Variants in TLCD4 observed in about 807,000 individuals in gnomAD.
TLCD4 encodes TLC domain-containing protein 4.
Under a neutral mutation model 24.2 loss-of-function variants are expected in TLCD4, and 7 were observed. That is an observed-to-expected ratio of 0.29 (90% confidence interval 0.16 to 0.54). The LOEUF (loss-of-function observed/expected upper bound fraction) is 0.54. TLCD4 is among the 20% of genes least tolerant of loss of function. The pLI, the probability that TLCD4 is intolerant of heterozygous loss-of-function variation, is 0.95. For missense variants in TLCD4, 259 were observed against 313.9 expected (o/e 0.82, Z 1.32); for synonymous variants, 103 against 106.4 (o/e 0.97, Z 0.20).
chr1:95,152,847 G>C (rs372511389), intron 5 of TLCD4, among the ~76,000 whole-genome samples: 76 of 152,140 alleles, frequency 5.0e-4, no homozygotes, highest in African/African-American at 1.7e-3. Flanking sequence ...ACACATTTAT[G>C]CTTTAATCCT....
At chr1:95,146,138 G>C (rs1305631670) in intron 2 of TLCD4, among the ~76,000 whole-genome samples, 1 of 151,888 alleles carries the variant, frequency 6.6e-6, no homozygotes, top group Non-Finnish European at 1.5e-5. Flanking sequence ...AACATGAGTT[G>C]AGAGTGGTCT....
intron 5 of TLCD4, among the ~76,000 whole-genome samples, chr1:95,172,334 A>G (rs1678258509): frequency 6.6e-6 from 1 of 152,246 alleles, no homozygotes; most frequent in African/African-American, 2.4e-5. Flanking sequence ...AAATAAAAGC[A>G]TTTAGTATAA....
Position 95,151,425 on chromosome 1 carries a change from T to C in TLCD4, c.399+6T>C. 6.2e-7 allele frequency: 1 copy of C among 1,610,224 alleles called. No homozygotes were observed. The highest frequency in any genetic ancestry group is 1.1e-5 in the South Asian group (1 of 90,532). ...ATGCATACTACCTTGTACTGGTGAG[T>C]TCCAGGATTTTCTGTAGCCTAACTA... On this transcript the variant is annotated splice_donor_region_variant and intron_variant, in intron 5 of 6. Coordinates refer to ENST00000370203, the MANE Select transcript of TLCD4 (RefSeq NM_152487.3).
upstream of TLCD4, among the ~76,000 whole-genome samples, chr1:95,112,619 G>C (rs183414269): frequency 6.6e-6 from 1 of 152,258 alleles, no homozygotes; most frequent in Non-Finnish European, 1.5e-5. Context: ...TCAAAATGCT[G>C]AGGGAAAATA....
At chr1:95,095,968 T>A in the TLCD4 span, among the ~76,000 whole-genome samples, 21 of 152,210 alleles carry the variant, frequency 1.4e-4, no homozygotes, top group Non-Finnish European at 2.8e-4. Flanking sequence ...AAAGGGAAGA[T>A]AAACAAATTA....
chr1:95,143,171 G>A (rs1169833466), intron 1 of TLCD4, among the ~76,000 whole-genome samples: 1 of 152,132 alleles, frequency 6.6e-6, no homozygotes, highest in Non-Finnish European at 1.5e-5. Flanking sequence ...GAAAAGTGAG[G>A]GAGGGGTTTT....
chr1:95,172,227 A>G (rs895921906), intron 5 of TLCD4, among the ~76,000 whole-genome samples: 1 of 152,216 alleles, frequency 6.6e-6, no homozygotes, highest in Admixed American at 6.5e-5. Flanking sequence ...GGCTTGGTGA[A>G]GGAGATGTGT....
intron 6 of TLCD4, among the ~76,000 whole-genome samples, chr1:95,190,468 A>T (rs1485454077): frequency 2.6e-5 from 4 of 152,106 alleles, no homozygotes; most frequent in African/African-American, 9.7e-5. Context: ...AGCTGGGATT[A>T]CAGGTGCCCG....
intron 1 of TLCD4, among the ~76,000 whole-genome samples, chr1:95,136,687 C>T (rs952926372): frequency 1.3e-5 from 2 of 152,106 alleles, no homozygotes; most frequent in Non-Finnish European, 1.5e-5. Context: ...TGGTATTTTT[C>T]ATAAGGCTAT....
chr1:95,190,495 A>G (rs1678989671), intron 6 of TLCD4, among the ~76,000 whole-genome samples: 1 of 151,838 alleles, frequency 6.6e-6, no homozygotes. Context: ...TGCCTGGCTA[A>G]TTTTTGTATT....
At chr1:95,165,462 T>C (rs1378503610) in intron 5 of TLCD4, among the ~76,000 whole-genome samples, 1 of 128,408 alleles carries the variant, frequency 7.8e-6, no homozygotes, top group Non-Finnish European at 1.6e-5. Context: ...TGTGTGTGTG[T>C]GTGTGTTTTT....
intron 3 of TLCD4, among the ~76,000 whole-genome samples, 175 bp from the exon 4 acceptor site, chr1:95,150,033 G>A (rs536256778): frequency 8.5e-5 from 13 of 152,162 alleles, no homozygotes; most frequent in Admixed American, 4.6e-4. Flanking sequence ...CACATGATGC[G>A]TCACAGTTTG....
At chr1:95,106,895 T>A in the TLCD4 span, among the ~76,000 whole-genome samples, 1 of 152,168 alleles carries the variant, frequency 6.6e-6, no homozygotes. Flanking sequence ...ATGCAGCATA[T>A]GCATTTTCCA....
At chr1:95,161,966 A>G (rs545479134) in intron 5 of TLCD4, among the ~76,000 whole-genome samples, 1 of 152,312 alleles carries the variant, frequency 6.6e-6, no homozygotes, top group Admixed American at 6.5e-5. Context: ...GCTGAGAAGA[A>G]TGTATATTCT....
In TLCD4 at chr1:95,157,050, C is replaced by G. The variant is rs573881339; in HGVS notation, c.399+5631C>G. Among the ~76,000 whole-genome samples, 10 of 152,116 alleles carry G rather than the reference C, an allele frequency of 6.6e-5. No individual in the cohort carries two copies. In the South Asian group the frequency reaches 1.7e-3, roughly 25 times the overall value. Reference sequence around the variant, plus strand: ...AAAGCAATATTGGAAGCAATATTCCCTAAAAGCAATATTGTAAATAAAAAG... The same window carrying G: ...AAAGCAATATTGGAAGCAATATTCCGTAAAAGCAATATTGTAAATAAAAAG... On this transcript the variant is annotated intron_variant, in intron 5 of 6. Coordinates refer to ENST00000370203, the MANE Select transcript of TLCD4 (RefSeq NM_152487.3).
upstream of TLCD4, among the ~76,000 whole-genome samples, chr1:95,113,043 C>CT (rs1054737210): frequency 9.6e-3 from 1,309 of 136,696 alleles, 15 homozygotes; most frequent in African/African-American, 0.024. Context: ...TCTTTTCTTT[C>CT]TTTTTTTTTT....
At chr1:95,108,769 A>G in the TLCD4 span, among the ~76,000 whole-genome samples, 2 of 152,306 alleles carry the variant, frequency 1.3e-5, no homozygotes, top group Admixed American at 1.3e-4. Context: ...TACCCCACTG[A>G]CTTGAGATGC....
At chr1:95,181,584 T>A (rs543993700) in intron 6 of TLCD4, among the ~76,000 whole-genome samples, 15 of 149,464 alleles carry the variant, frequency 1.0e-4, no homozygotes, top group African/African-American at 1.7e-4. Flanking sequence ...TGTTTAATTA[T>A]TTATTTATTT....
chr1:95,183,186 C>A (rs563565641), intron 6 of TLCD4, among the ~76,000 whole-genome samples: 1 of 151,772 alleles, frequency 6.6e-6, no homozygotes, highest in Non-Finnish European at 1.5e-5. Context: ...TTATTAGTTC[C>A]GAAAGTAAAT....
Sources: allele counts gnomAD v4.1 joint callset (sites outside exome capture counted in the v4.1 genomes callset), GRCh38; gene constraint gnomAD v4.1.1; transcripts MANE v1.5; gene names NCBI Gene and HGNC (gene_info 2026-07-23, HGNC 2026-07-21).